EPHA3: variants seen among roughly 807,000 people sequenced by gnomAD.
The protein encoded by EPHA3 is ephrin type-A receptor 3.
EPHA3 carries 42 observed loss-of-function variants against 107.1 expected under a neutral mutation model. That is an observed-to-expected ratio of 0.39 (90% CI 0.31 to 0.51). The LOEUF (loss-of-function observed/expected upper bound fraction) is 0.51. Among genes scored for constraint, EPHA3 ranks in the 20% least tolerant of loss-of-function variants. The probability of loss-of-function intolerance (pLI) is 0.78; values close to 1 mark genes in which losing one functional copy is unlikely to be tolerated. For missense variants in EPHA3, 1,183 were observed against 1,211.2 expected, an observed-to-expected ratio of 0.98 and a Z score of 0.35; for synonymous variants, 461 against 424.8, an observed-to-expected ratio of 1.09 and a Z score of -1.05.
At chr3:89,191,114 G>A (rs1432076162) in intron 2 of EPHA3, among the ~76,000 whole-genome samples, 2 of 151,856 alleles carry the variant, frequency 1.3e-5, no homozygotes, top group African/African-American at 2.4e-5. Context: ...CATTGACTGG[G>A]TGACGCCTGC....
chr3:89,346,276 C>A (rs1463822442), intron 5 of EPHA3, among the ~76,000 whole-genome samples: 1 of 129,896 alleles, frequency 7.7e-6, no homozygotes, highest in Non-Finnish European at 1.7e-5. Flanking sequence ...CTCTCCAGCT[C>A]CTGTTGTTTC....
At chr3:89,337,430 G>A (rs114492201) in intron 3 of EPHA3, among the ~76,000 whole-genome samples, 14 of 152,226 alleles carry the variant, frequency 9.2e-5, no homozygotes, top group African/African-American at 1.4e-4. Flanking sequence ...TACCTACACC[G>A]ATAATTTCAA....
chr3:89,191,298 A>T (rs1442170991), intron 2 of EPHA3, among the ~76,000 whole-genome samples: 3 of 151,158 alleles, frequency 2.0e-5, no homozygotes, highest in East Asian at 1.9e-4. Flanking sequence ...TTATTTTTTT[A>T]ATTTTTTTTA....
intron 13 of EPHA3, among the ~76,000 whole-genome samples, chr3:89,445,899 G>T (rs1477897192): frequency 6.6e-6 from 1 of 152,140 alleles, no homozygotes; most frequent in Admixed American, 6.6e-5. Flanking sequence ...AAATTAGTAC[G>T]AAGGTAAAGA....
intron 5 of EPHA3, among the ~76,000 whole-genome samples, chr3:89,352,526 G>A (rs546629122): frequency 6.6e-6 from 1 of 151,068 alleles, no homozygotes; most frequent in South Asian, 2.1e-4. Flanking sequence ...GTTAAGAAAA[G>A]TAAATATCTT....
At chr3:89,292,078 A>G (rs1285556692) in intron 3 of EPHA3, among the ~76,000 whole-genome samples, 2 of 152,168 alleles carry the variant, frequency 1.3e-5, no homozygotes, top group Non-Finnish European at 2.9e-5. Flanking sequence ...GAACAAAGAC[A>G]CTATAATTCC....
At chr3:89,272,850 A>G (rs1705709144) in intron 3 of EPHA3, among the ~76,000 whole-genome samples, 2 of 151,952 alleles carry the variant, frequency 1.3e-5, no homozygotes, top group African/African-American at 2.4e-5. Context: ...TAGGATTTAA[A>G]GTAAACGTAA....
intron 3 of EPHA3, among the ~76,000 whole-genome samples, chr3:89,257,575 G>A (rs188731267): frequency 4.5e-4 from 68 of 151,858 alleles, no homozygotes; most frequent in African/African-American, 1.6e-3. Flanking sequence ...AGACTAACGG[G>A]AATATAGCAA....
chr3:89,256,719 AT>A (rs1379504659), intron 3 of EPHA3, among the ~76,000 whole-genome samples: 2 of 152,330 alleles, frequency 1.3e-5, no homozygotes, highest in East Asian at 3.9e-4. Flanking sequence ...CTTGCTGAAT[AT>A]GCAAAAAATA....
At chr3:89,229,167 T>C (rs1174752864) in intron 3 of EPHA3, among the ~76,000 whole-genome samples, 1 of 151,990 alleles carries the variant, frequency 6.6e-6, no homozygotes, top group Non-Finnish European at 1.5e-5. Flanking sequence ...TGAATGAATG[T>C]GAATCAAATT....
At chr3:89,440,346 G>A (rs1709759366) in intron 13 of EPHA3, among the ~76,000 whole-genome samples, 1 of 152,100 alleles carries the variant, frequency 6.6e-6, no homozygotes, top group Non-Finnish European at 1.5e-5. Flanking sequence ...CTCTAAATAT[G>A]ACCTGACAAA....
At chr3:89,222,622 T>G (rs1704409064) in intron 3 of EPHA3, among the ~76,000 whole-genome samples, 1 of 151,830 alleles carries the variant, frequency 6.6e-6, no homozygotes, top group Admixed American at 6.6e-5. Context: ...AGTAAATGTG[T>G]ACTTATAAGT....
chr3:89,458,809 G>A (rs527405123), intron 15 of EPHA3, among the ~76,000 whole-genome samples: 2 of 152,122 alleles, frequency 1.3e-5, no homozygotes, highest in Non-Finnish European at 2.9e-5. Flanking sequence ...ACTGAATAAA[G>A]AAAACGTAGC....
At chr3:89,262,681 C>T (rs1016037752) in intron 3 of EPHA3, among the ~76,000 whole-genome samples, 1 of 152,264 alleles carries the variant, frequency 6.6e-6, no homozygotes, top group African/African-American at 2.4e-5. Flanking sequence ...GCCCACCTCT[C>T]TCAACTCCTA....
chr3:89,349,502 A>G (rs1707753383), intron 5 of EPHA3, among the ~76,000 whole-genome samples: 2 of 149,344 alleles, frequency 1.3e-5, no homozygotes, highest in Non-Finnish European at 3.0e-5. Context: ...TTTTGAGCCT[A>G]TGTGTGTCTC....
chr3:89,187,162 G>A (rs1705586173), intron 2 of EPHA3, among the ~76,000 whole-genome samples: 1 of 150,890 alleles, frequency 6.6e-6, no homozygotes, highest in African/African-American at 2.4e-5. Context: ...TACCTTTGTT[G>A]AATTACTGTA....
intron 5 of EPHA3, among the ~76,000 whole-genome samples, chr3:89,356,655 G>A (rs150993720): frequency 4.4e-4 from 66 of 150,974 alleles, no homozygotes; most frequent in African/African-American, 1.3e-3. Flanking sequence ...CGTGTTGTTC[G>A]TTGCACACAT....
At chr3:89,192,983 C>T (rs532270043) in intron 2 of EPHA3, among the ~76,000 whole-genome samples, 1 of 151,936 alleles carries the variant, frequency 6.6e-6, no homozygotes, top group Non-Finnish European at 1.5e-5. Context: ...TTTTACACAC[C>T]TATTATTAAT....
chr3:89,416,052 T>C (rs190687434), intron 10 of EPHA3, among the ~76,000 whole-genome samples: 160 of 151,558 alleles, frequency 1.1e-3, no homozygotes, highest in Non-Finnish European at 2.0e-3. Context: ...GTGTTTTTAT[T>C]ATGCTTACTT....
Sources: gnomAD v4.1 joint callset for allele counts (sites outside exome capture counted in the v4.1 genomes callset) on GRCh38, gnomAD v4.1.1 for gene constraint, MANE v1.5 for transcripts, NCBI Gene and HGNC (gene_info 2026-07-23, HGNC 2026-07-21) for gene names.